Variants in DDAH1 observed in about 807,000 individuals in gnomAD.
DDAH1 encodes the protein N(G),N(G)-dimethylarginine dimethylaminohydrolase 1.
Under a neutral mutation model 28.8 loss-of-function variants are expected in DDAH1, and 19 were observed. The observed-to-expected ratio is 0.66, with a 90% CI of 0.46 to 0.97. DDAH1 has a LOEUF of 0.97. Among genes scored for constraint, DDAH1 ranks in the 50% least tolerant of loss-of-function variants. The pLI is 0.00. For missense variants in DDAH1, 326 were observed against 375.9 expected (o/e 0.87, Z 1.10); for synonymous variants, 153 against 154.4 (o/e 0.99, Z 0.07).
At chr1:85,508,616 C>T (rs1490208497) in intron 1 of DDAH1, among the ~76,000 whole-genome samples, 2 of 152,224 alleles carry the variant, frequency 1.3e-5, no homozygotes, top group Admixed American at 6.5e-5. Context: ...CACTTCTGCC[C>T]AAATACTGGG....
intron 2 of DDAH1, among the ~76,000 whole-genome samples, chr1:85,472,752 T>C (rs7539880): frequency 0.11 from 17,129 of 152,138 alleles, 1,063 homozygotes; most frequent in East Asian, 0.22. Context: ...AGCGGGTACA[T>C]GTGCGGGTTT....
chr1:85,356,317 C>T (rs780612410), intron 2 of DDAH1, among the ~76,000 whole-genome samples: 26 of 152,178 alleles, frequency 1.7e-4, no homozygotes, highest in Non-Finnish European at 2.6e-4. Context: ...CCAGCAGGAA[C>T]TGGATTTGGA....
chr1:85,445,576 A>G (rs1330123942), intron 1 of DDAH1, among the ~76,000 whole-genome samples: 2 of 152,210 alleles, frequency 1.3e-5, no homozygotes, highest in African/African-American at 2.4e-5. Context: ...TATATGCTCA[A>G]TGAAAATATC....
intron 1 of DDAH1, among the ~76,000 whole-genome samples, chr1:85,403,084 T>G (rs893075495): frequency 3.9e-5 from 6 of 151,952 alleles, no homozygotes; most frequent in African/African-American, 1.5e-4. Flanking sequence ...GACTGTCCCT[T>G]AGGGACTGCT....
At chr1:85,528,844 C>T (rs1570645299) in intron 1 of DDAH1, among the ~76,000 whole-genome samples, 1 of 151,904 alleles carries the variant, frequency 6.6e-6, no homozygotes, top group Non-Finnish European at 1.5e-5. Flanking sequence ...CATGGTGGCA[C>T]ACGCCTGTAA....
intron 1 of DDAH1, among the ~76,000 whole-genome samples, chr1:85,422,070 C>T (rs35479962): frequency 0.039 from 5,820 of 148,218 alleles, 132 homozygotes; most frequent in Non-Finnish European, 0.046. Context: ...CCTTGCCAAG[C>T]GATTGATATT....
intron 4 of DDAH1, among the ~76,000 whole-genome samples, chr1:85,333,760 A>C (rs936108786): frequency 6.6e-5 from 10 of 151,692 alleles, no homozygotes; most frequent in African/African-American, 2.4e-4. Flanking sequence ...AGAAAAAAAA[A>C]CAAGAAAGAA....
intron 1 of DDAH1, among the ~76,000 whole-genome samples, chr1:85,539,084 T>TA (rs1275394299): frequency 1.3e-5 from 2 of 152,190 alleles, no homozygotes; most frequent in African/African-American, 4.8e-5. Context: ...ATGACTCTAA[T>TA]ATTACATGTT....
intron 1 of DDAH1, among the ~76,000 whole-genome samples, chr1:85,396,483 G>C (rs752882797): frequency 6.6e-6 from 1 of 152,010 alleles, no homozygotes; most frequent in Non-Finnish European, 1.5e-5. Context: ...TCATCGCAAA[G>C]AAGACACCAA....
chr1:85,462,050 G>A (rs1407062039), intron 1 of DDAH1, among the ~76,000 whole-genome samples: 1 of 152,178 alleles, frequency 6.6e-6, no homozygotes, highest in Non-Finnish European at 1.5e-5. Context: ...GTTGATGTGA[G>A]TATTAATGAA....
chr1:85,353,828 CAAAGG>C (rs1395896531), intron 2 of DDAH1, among the ~76,000 whole-genome samples: 1 of 151,848 alleles, frequency 6.6e-6, no homozygotes, highest in Non-Finnish European at 1.5e-5. Flanking sequence ...TTCCAAGAAA[CAAAGG>C]GAGGAAGAAA....
At chr1:85,530,823 TA>T (rs1328760469) in intron 1 of DDAH1, among the ~76,000 whole-genome samples, 2 of 144,826 alleles carry the variant, frequency 1.4e-5, no homozygotes, top group African/African-American at 5.1e-5. Flanking sequence ...CTGTCTCTAC[TA>T]AAAAAAGAAA....
At chr1:85,396,718 C>T (rs565243822) in intron 1 of DDAH1, among the ~76,000 whole-genome samples, 2 of 152,236 alleles carry the variant, frequency 1.3e-5, no homozygotes, top group African/African-American at 4.8e-5. Context: ...CTTTTCCTTA[C>T]ATTTGTATAG....
chr1:85,461,216 TA>T (rs1355086925), intron 1 of DDAH1, among the ~76,000 whole-genome samples: 1 of 142,030 alleles, frequency 7.0e-6, no homozygotes, highest in Non-Finnish European at 1.6e-5. Flanking sequence ...TTTAAAGTAT[TA>T]AACATAAAAA....
intron 1 of DDAH1, among the ~76,000 whole-genome samples, chr1:85,535,886 A>G (rs1231620263): frequency 6.6e-6 from 1 of 152,174 alleles, no homozygotes; most frequent in Non-Finnish European, 1.5e-5. Flanking sequence ...ATTAATAAAC[A>G]TTTCTCGAAA....
chr1:85,558,692 T>C (rs1363695753), intron 1 of DDAH1, among the ~76,000 whole-genome samples: 1 of 152,068 alleles, frequency 6.6e-6, no homozygotes, highest in Non-Finnish European at 1.5e-5. Flanking sequence ...AAAGTAATAA[T>C]GCTAAAAGTA....
At chr1:85,503,249 AG>A (rs1190435900) in intron 1 of DDAH1, among the ~76,000 whole-genome samples, 1 of 152,086 alleles carries the variant, frequency 6.6e-6, no homozygotes, top group Non-Finnish European at 1.5e-5. Context: ...TTGTTGCCCA[AG>A]CTGGAGTGCA....
chr1:85,570,148 C>T (rs145188088), intron 1 of DDAH1, among the ~76,000 whole-genome samples: 1 of 152,226 alleles, frequency 6.6e-6, no homozygotes, highest in African/African-American at 2.4e-5. Flanking sequence ...ACTGAGACCC[C>T]GTGAGATTAG....
At chr1:85,377,140 T>C (rs1468471206) in intron 1 of DDAH1, among the ~76,000 whole-genome samples, 1 of 152,060 alleles carries the variant, frequency 6.6e-6, no homozygotes, top group African/African-American at 2.4e-5. Flanking sequence ...CAACTCCCAG[T>C]AGGTTGGCAT....
Sources: allele counts gnomAD v4.1 joint callset (sites outside exome capture counted in the v4.1 genomes callset), GRCh38; gene constraint gnomAD v4.1.1; transcripts MANE v1.5; gene names NCBI Gene and HGNC (gene_info 2026-07-23, HGNC 2026-07-21).